ADAMTS18: variants seen among roughly 807,000 people sequenced by gnomAD.
The protein encoded by ADAMTS18 is A disintegrin and metalloproteinase with thrombospondin motifs 18.
Under a neutral mutation model 165.9 loss-of-function variants are expected in ADAMTS18, and 157 were observed. The ratio of observed to expected loss-of-function variants is 0.95; its 90% CI spans 0.83 to 1.08. The LOEUF (loss-of-function observed/expected upper bound fraction) is 1.08, where lower values mean the gene tolerates loss of function less well. ADAMTS18 is among the 50% of genes least tolerant of loss of function. ADAMTS18 has a pLI of 0.00. For missense variants in ADAMTS18, 2,040 were observed against 1,534.0 expected (o/e 1.33, Z -5.51); for synonymous variants, 782 against 578.2 (o/e 1.35, Z -5.06).
intron 16 of ADAMTS18, among the ~76,000 whole-genome samples, chr16:77,312,300 G>A (rs917793945): frequency 1.3e-5 from 2 of 151,700 alleles, no homozygotes; most frequent in Non-Finnish European, 2.9e-5. Context: ...GCAATGGCAC[G>A]GTCTTGGCTC....
At chr16:77,372,361 C>G (rs139717609) in intron 3 of ADAMTS18, among the ~76,000 whole-genome samples, 9 of 152,320 alleles carry the variant, frequency 5.9e-5, no homozygotes, top group African/African-American at 2.2e-4. Context: ...GACACAGAAT[C>G]AGTCTAAGTG....
chr16:77,320,017 G>A lies in ADAMTS18; in HGVS notation c.2364C>T (p.Tyr788=). 1 of 1,614,168 alleles carries A rather than the reference G, an allele frequency of 6.2e-7. No homozygotes were observed. Among genetic ancestry groups the A allele is most frequent in the Non-Finnish European group, 8.5e-7 (1 of 1,180,028 alleles). ...EIQELQVSSS[Y]LAVRSLSQKY... is the part of the protein sequence containing the mutation. Reference sequence around the variant, plus strand: ...TTTGACTGAGGCTTCGAACTGCGAGGTAACTGGAGGAAACCTGCAGCTCCT... The same window carrying A: ...TTTGACTGAGGCTTCGAACTGCGAGATAACTGGAGGAAACCTGCAGCTCCT... The change falls in exon 16 of 23, where the codon TAC becomes TAT. Residue 788 remains tyrosine (Y), a synonymous_variant. Transcript: ENST00000282849.
At chr16:77,421,116 T>G (rs538422523) in intron 3 of ADAMTS18, among the ~76,000 whole-genome samples, 1 of 152,286 alleles carries the variant, frequency 6.6e-6, no homozygotes, top group African/African-American at 2.4e-5. Context: ...CCCCTTGACT[T>G]GTAGTGGTAA....
At chr16:77,389,895 C>T (rs185894435) in intron 3 of ADAMTS18, among the ~76,000 whole-genome samples, 92 of 152,096 alleles carry the variant, frequency 6.0e-4, no homozygotes, top group Middle Eastern at 3.4e-3. Context: ...TTTTTAGAAG[C>T]CCTAAATATT....
intron 8 of ADAMTS18, among the ~76,000 whole-genome samples, 171 bp from the exon 9 acceptor site, chr16:77,356,248 C>G (rs1471136459): frequency 2.6e-5 from 4 of 152,132 alleles, no homozygotes; most frequent in South Asian, 2.1e-4. Flanking sequence ...AAAATTCACA[C>G]AGAAAACTTT....
chr16:77,293,508 C>A (rs867594609), intron 19 of ADAMTS18, among the ~76,000 whole-genome samples: 11 of 151,934 alleles, frequency 7.2e-5, no homozygotes, highest in South Asian at 4.2e-4. Flanking sequence ...AGACTCAACA[C>A]CATGTACTAT....
At chr16:77,363,974 C>G in intron 5 of ADAMTS18, 89 bp from the exon 6 acceptor site, 1 of 1,354,892 alleles carries the variant, frequency 7.4e-7, no homozygotes. Context: ...AGTACGCAGG[C>G]TTTAATTTTA....
intron 11 of ADAMTS18, among the ~76,000 whole-genome samples, chr16:77,336,436 T>C (rs2056312009): frequency 6.6e-6 from 1 of 152,206 alleles, no homozygotes; most frequent in Non-Finnish European, 1.5e-5. Flanking sequence ...TACACATACA[T>C]TATATTTTTG....
intron 4 of ADAMTS18, 81 bp downstream of exon 4, chr16:77,367,360 A>T: frequency 6.4e-7 from 1 of 1,565,952 alleles, no homozygotes; most frequent in Non-Finnish European, 8.8e-7. Flanking sequence ...TTGACTTGCA[A>T]AGCTTGTACA....
chr16:77,322,512 A>AG (rs760413031), intron 13 of ADAMTS18, 46 bp from the exon 14 acceptor site: 1 of 1,603,540 alleles, frequency 6.2e-7, no homozygotes, highest in Non-Finnish European at 8.5e-7. Context: ...GAGGAAACTA[A>AG]GGAAAAATGA....
In ADAMTS18 at chr16:77,319,948, C is replaced by T. The variant is rs1243013158; in HGVS notation, c.2433G>A (p.Glu811=). ...TGGWSIDWPG[E]FPFAGTTFEY... ...CAAACGTGGTCCCAGCGAAGGGGAA[C>T]TCCCCAGGCCAGTCGATGCTCCAGC... Residue 811 remains glutamate (E), a synonymous_variant, in exon 16 of 23, where the codon GAG becomes GAA. Transcript: ENST00000282849. The T allele has an allele frequency of 7.4e-6, 12 of 1,614,070 alleles. No individual in the cohort carries two copies. Among genetic ancestry groups the T allele is most frequent in the Admixed American group, 1.7e-5 (1 of 60,006 alleles).
In ADAMTS18 at chr16:77,350,489, T is replaced by A. The variant is rs550385531; in HGVS notation, c.1614+3244A>T. 9.8e-5 allele frequency among the ~76,000 whole-genome samples: 15 copies of A among 152,304 alleles called. 1 individual carries two copies. In the South Asian group the frequency reaches 3.1e-3, roughly 32 times the overall value. On this transcript the variant is annotated intron_variant, in intron 10 of 22. Coordinates refer to ENST00000282849, the MANE Select transcript of ADAMTS18 (RefSeq NM_199355.4). ...GAGATGAATCCTCACCAATGAGCCA[T>A]GGAGGAACTATTGTAATCTTCACCT...
chr16:77,358,292 C>G (rs1409900300), intron 8 of ADAMTS18, among the ~76,000 whole-genome samples: 1 of 152,146 alleles, frequency 6.6e-6, no homozygotes, highest in Non-Finnish European at 1.5e-5. Flanking sequence ...GATACTGGCA[C>G]TGTCCGGGCG....
rs904960078 is a variant in ADAMTS18, at chr16:77,363,297, T to C, written c.1056+505A>G. 1.3e-5 allele frequency among the ~76,000 whole-genome samples: 2 copies of C among 152,184 alleles called. 1 individual carries two copies. The highest frequency in any genetic ancestry group is 6.3e-3 in the Middle Eastern group (2 of 316). On this transcript the variant is annotated intron_variant, in intron 6 of 22. Coordinates refer to ENST00000282849, the MANE Select transcript of ADAMTS18 (RefSeq NM_199355.4). The stretch of plus-strand genomic sequence containing the variant: ...AGTTAAATATCCCTTGTTTATTCCC[T>C]GTATTACCTAAGATGGTACTGGGGA...
At position 77,314,303 on chromosome 16, in the gene ADAMTS18, A is replaced by G. The variant is rs550841416; in HGVS notation, c.2532+5546T>C. Among the ~76,000 whole-genome samples, 6 of 152,002 alleles carry G rather than the reference A, an allele frequency of 3.9e-5. No homozygotes were observed. In the South Asian group the frequency reaches 6.2e-4, roughly 16 times the overall value. On this transcript the variant is annotated intron_variant, in intron 16 of 22. Coordinates refer to ENST00000282849, the MANE Select transcript of ADAMTS18 (RefSeq NM_199355.4). ...TCACCTGATATTAAAGCTTTAATCT[A>G]TTTTCTCCATTTTAATATTATACAT...
At chr16:77,381,709 G>A (rs2057033296) in intron 3 of ADAMTS18, among the ~76,000 whole-genome samples, 1 of 152,162 alleles carries the variant, frequency 6.6e-6, no homozygotes, top group Non-Finnish European at 1.5e-5. Flanking sequence ...GGCTGAGGCA[G>A]GGGAATCACT....
intron 13 of ADAMTS18, among the ~76,000 whole-genome samples, chr16:77,324,946 C>T (rs2056066773): frequency 6.6e-6 from 1 of 152,222 alleles, no homozygotes; most frequent in Non-Finnish European, 1.5e-5. Flanking sequence ...CACATCAGTG[C>T]TCCTGAAATG....
rs776213381 is a variant in ADAMTS18 at position 77,379,162 on chromosome 16, T to A, written c.496-11439A>T. Among the ~76,000 whole-genome samples the A allele has an allele frequency of 4.0e-4, 61 of 152,310 alleles. 1 individual carries two copies. The highest frequency in any genetic ancestry group is 7.2e-4 in the Non-Finnish European group (49 of 68,018). On this transcript the variant is annotated intron_variant, in intron 3 of 22. Coordinates refer to ENST00000282849, the MANE Select transcript of ADAMTS18 (RefSeq NM_199355.4). The stretch of plus-strand genomic sequence containing the variant: ...AGAGAAGTGACCAATGGCAAGGAAA[T>A]TATGAGGCTGCTTCTCTCATGAGGC...
At chr16:77,423,185 T>TA (rs2057626079) in intron 3 of ADAMTS18, among the ~76,000 whole-genome samples, 1 of 152,212 alleles carries the variant, frequency 6.6e-6, no homozygotes, top group African/African-American at 2.4e-5. Flanking sequence ...AGCTTGCAGT[T>TA]AAATGTTCTA....
Sources: allele counts gnomAD v4.1 joint callset (sites outside exome capture counted in the v4.1 genomes callset), GRCh38; gene constraint gnomAD v4.1.1; transcripts MANE v1.5; gene names NCBI Gene and HGNC (gene_info 2026-07-23, HGNC 2026-07-21).